CCDC152: variants seen among roughly 807,000 people sequenced by gnomAD.
CCDC152 encodes coiled-coil domain containing 152.
CCDC152 carries 37 observed loss-of-function variants against 38.1 expected under a neutral mutation model. The ratio of observed to expected loss-of-function variants is 0.97; its 90% CI spans 0.75 to 1.28. The LOEUF is 1.28. Among genes scored for constraint, CCDC152 ranks in the 50% most tolerant of loss-of-function variants. The probability of loss-of-function intolerance (pLI) is 0.00; values close to 1 mark genes in which losing one functional copy is unlikely to be tolerated. For missense variants in CCDC152, 259 were observed against 292.1 expected, an observed-to-expected ratio of 0.89 and a Z score of 0.83; for synonymous variants, 83 against 87.1, an observed-to-expected ratio of 0.95 and a Z score of 0.26.
In CCDC152 at chr5:42,779,453, CACAGGTGAAAATG is replaced by C; in HGVS notation, c.263-3_272del. The C allele has an allele frequency of 6.9e-7, 1 of 1,444,818 alleles. No individual in the cohort carries two copies. The highest frequency in any genetic ancestry group is 1.4e-5 in the African/African-American group (1 of 70,628). The allele number at this position is 1,444,818 out of a possible 1,614,324, so 89.5% of individuals were successfully genotyped here. On this transcript the variant is annotated splice_acceptor_variant and splice_polypyrimidine_tract_variant and coding_sequence_variant and intron_variant, in exon 5 of 9. Transcript: ENST00000361970. LOFTEE classifies it high-confidence loss of function. The stretch of plus-strand genomic sequence containing the variant: ...TTATGATGTTCTTTGATTATTCTTA[CACAGGTGAAAATG>C]AACAACTAAAAATAAGTGCTGATCT...
intron 3 of CCDC152, among the ~76,000 whole-genome samples, chr5:42,763,341 G>A (rs1005773147): frequency 6.6e-6 from 1 of 152,166 alleles, no homozygotes; most frequent in African/African-American, 2.4e-5. Flanking sequence ...AAACAATTGG[G>A]GAAGAAGACA....
intron 4 of CCDC152, among the ~76,000 whole-genome samples, chr5:42,778,817 C>T (rs1363942683): frequency 6.6e-6 from 1 of 152,106 alleles, no homozygotes. Context: ...ATCGTTTTAG[C>T]ATGTAACTCT....
chr5:42,799,715 C>A lies in CCDC152; in HGVS notation c.699C>A (p.Thr233=), dbSNP rs1309511707. Residue 233 remains threonine, a synonymous_variant, in exon 9 of 9, where the codon ACC becomes ACA. Coordinates refer to ENST00000361970, the MANE Select transcript of CCDC152 (RefSeq NM_001134848.2). The part of the protein sequence containing the change: ...KNKEIAILRN[T]IRDLEQRLSV... ...AGGAGATTGCAATTCTTCGTAATAC[C>A]ATTCGCGATTTAGAGCAACGCCTTT... 1 of 1,550,800 alleles carries A rather than the reference C, an allele frequency of 6.4e-7. No homozygotes were observed.
At chr5:42,756,978 A>G (rs572419554) in intron 1 of CCDC152, 93 bp downstream of exon 1, 1 of 152,714 alleles carries the variant, frequency 6.5e-6, no homozygotes, top group African/African-American at 2.4e-5. Context: ...TGGGTCCATT[A>G]CAGGCTTTTC....
Position 42,797,919 on chromosome 5 carries a change from G to A in CCDC152, c.558+963G>A, listed in dbSNP as rs185731448. Among the ~76,000 whole-genome samples, 448 of 152,016 alleles carry A rather than the reference G, an allele frequency of 2.9e-3. 2 individuals carry two copies. The highest frequency in any genetic ancestry group is 0.011 in the African/African-American group (440 of 41,468). ...TCCCAGCACTTTGGCAGGCCGAGGC[G>A]AGCGGATCACCTAAGGTCAGGAGTT... On this transcript the variant is annotated intron_variant, in intron 7 of 8. Coordinates refer to ENST00000361970, the MANE Select transcript of CCDC152 (RefSeq NM_001134848.2).
At chr5:42,769,857 G>A (rs1202195398) in intron 4 of CCDC152, among the ~76,000 whole-genome samples, 192 bp downstream of exon 4, 1 of 152,132 alleles carries the variant, frequency 6.6e-6, no homozygotes, top group African/African-American at 2.4e-5. Flanking sequence ...ATTCAGTCAT[G>A]TTCTATCTGA....
chr5:42,774,042 C>G (rs886750785), intron 4 of CCDC152, among the ~76,000 whole-genome samples: 1 of 152,128 alleles, frequency 6.6e-6, no homozygotes. Context: ...ACAAGTAAAA[C>G]ATTGAGCAAA....
chr5:42,799,669 A>AT lies in CCDC152; in HGVS notation c.657dup (p.Gln220SerfsTer13). On this transcript the variant is annotated frameshift_variant, in exon 9 of 9. Transcript: ENST00000361970. LOFTEE classifies it high-confidence loss of function. ...TTTTGTTTCGTTTAGAAACTTCAGC[A>AT]TTTTCAAGAAGAAAAAAACAAGGAG... 1 of 1,545,338 alleles carries AT rather than the reference A, an allele frequency of 6.5e-7. No individual in the cohort carries two copies. The highest frequency in any genetic ancestry group is 8.7e-7 in the Non-Finnish European group (1 of 1,144,192).
chr5:42,789,365 A>C (rs371352168), intron 6 of CCDC152, among the ~76,000 whole-genome samples: 1 of 152,050 alleles, frequency 6.6e-6, no homozygotes, highest in African/African-American at 2.4e-5. Flanking sequence ...GATCTCTTTG[A>C]GAAGAACTAG....
chr5:42,796,164 C>G (rs1032555973), intron 6 of CCDC152, among the ~76,000 whole-genome samples: 4 of 151,458 alleles, frequency 2.6e-5, no homozygotes, highest in African/African-American at 9.7e-5. Flanking sequence ...ATGGGTGCAG[C>G]ACACCAGCAT....
At position 42,761,281 on chromosome 5, in the gene CCDC152, T is replaced by C. The variant is rs1027252654; in HGVS notation, c.88-1162T>C. 2.0e-5 allele frequency among the ~76,000 whole-genome samples: 3 copies of C among 152,326 alleles called. No homozygotes were observed. The South Asian group carries it at 6.2e-4, about 32-fold the overall frequency. On this transcript the variant is annotated intron_variant, in intron 2 of 8. Coordinates refer to ENST00000361970, the MANE Select transcript of CCDC152 (RefSeq NM_001134848.2). Reference sequence around the variant, plus strand: ...TCAGTAAGAGACTGGTTAAATAAATTACAGCATATTCAAAAATGAAACTGA... The same window carrying C: ...TCAGTAAGAGACTGGTTAAATAAATCACAGCATATTCAAAAATGAAACTGA...
intron 3 of CCDC152, among the ~76,000 whole-genome samples, chr5:42,764,360 C>T (rs1446586055): frequency 1.3e-5 from 2 of 152,010 alleles, no homozygotes; most frequent in Non-Finnish European, 2.9e-5. Flanking sequence ...AGAAATAATA[C>T]CAATCCTACT....
intron 6 of CCDC152, among the ~76,000 whole-genome samples, chr5:42,787,460 T>C (rs551239999): frequency 6.6e-6 from 1 of 152,166 alleles, no homozygotes; most frequent in Non-Finnish European, 1.5e-5. Context: ...TTGCAATCCA[T>C]ATTTTGAATT....
intron 6 of CCDC152, among the ~76,000 whole-genome samples, chr5:42,783,942 G>A (rs935668409): frequency 7.9e-5 from 12 of 152,016 alleles, no homozygotes; most frequent in Non-Finnish European, 1.5e-4. Flanking sequence ...TTACAGCTGC[G>A]TAGTATTTCA....
At chr5:42,787,363 G>A (rs1759936124) in intron 6 of CCDC152, among the ~76,000 whole-genome samples, 1 of 151,670 alleles carries the variant, frequency 6.6e-6, no homozygotes, top group African/African-American at 2.4e-5. Context: ...TTTTTAAAAT[G>A]TAGCTACCTC....
chr5:42,799,171 C>T (rs28918069), intron 7 of CCDC152, among the ~76,000 whole-genome samples: 2,938 of 151,978 alleles, frequency 0.019, 42 homozygotes, highest in Non-Finnish European at 0.025. Flanking sequence ...GTAATTTTGC[C>T]GTGCAATCAG....
intron 3 of CCDC152, among the ~76,000 whole-genome samples, chr5:42,767,022 C>G (rs1018067690): frequency 1.3e-5 from 2 of 151,942 alleles, no homozygotes; most frequent in Non-Finnish European, 2.9e-5. Flanking sequence ...CTCATGTACC[C>G]CATAAATATA....
chr5:42,763,169 GA>G (rs1366574071), intron 3 of CCDC152, among the ~76,000 whole-genome samples: 1 of 151,990 alleles, frequency 6.6e-6, no homozygotes, highest in African/African-American at 2.4e-5. Flanking sequence ...CCTCAAAAAG[GA>G]AAAAACAAAC....
chr5:42,781,576 CACACAT>C (rs1285429866), intron 5 of CCDC152, among the ~76,000 whole-genome samples: 4 of 152,086 alleles, frequency 2.6e-5, no homozygotes, highest in African/African-American at 7.2e-5. Flanking sequence ...CACACACACA[CACACAT>C]ACACACACAC....
Sources: allele counts gnomAD v4.1 joint callset (sites outside exome capture counted in the v4.1 genomes callset), GRCh38; gene constraint gnomAD v4.1.1; transcripts MANE v1.5; gene names NCBI Gene and HGNC (gene_info 2026-07-23, HGNC 2026-07-21).